Variants in CTR9 observed in about 807,000 individuals in gnomAD.
The protein encoded by CTR9 is CTR9 component of Paf1/RNA polymerase II complex, also known as RNA polymerase-associated protein CTR9 homolog.
A neutral mutation model predicts 152.1 loss-of-function variants in CTR9; 41 were observed. The ratio of observed to expected loss-of-function variants is 0.27; its 90% CI spans 0.21 to 0.35. The LOEUF (loss-of-function observed/expected upper bound fraction) is 0.35, where lower values mean the gene tolerates loss of function less well. Among genes scored for constraint, CTR9 ranks in the 10% least tolerant of loss-of-function variants. CTR9 has a pLI of 1.00. For missense variants in CTR9, 917 were observed against 1,424.4 expected, an observed-to-expected ratio of 0.64 and a Z score of 5.73; for synonymous variants, 476 against 496.2, an observed-to-expected ratio of 0.96 and a Z score of 0.54.
intron 24 of CTR9, among the ~76,000 whole-genome samples, chr11:10,776,650 G>A (rs1260148436): frequency 6.6e-6 from 1 of 152,176 alleles, no homozygotes; most frequent in Non-Finnish European, 1.5e-5. Context: ...TTCTGCTTCA[G>A]AGGCAGTGGA....
chr11:10,772,458 A>C, intron 19 of CTR9, 62 bp from the exon 20 acceptor site: 1 of 1,290,346 alleles, frequency 7.7e-7, no homozygotes, highest in East Asian at 2.8e-5. Context: ...AGGAAAATAG[A>C]TGTGCTGAGT....
chr11:10,771,496 C>A, intron 18 of CTR9, 49 bp from the exon 19 acceptor site: 2 of 1,328,940 alleles, frequency 1.5e-6, no homozygotes, highest in Non-Finnish European at 2.2e-6. Context: ...AGCTTTATTT[C>A]ATTAGAATCT....
At chr11:10,766,300 G>T in intron 12 of CTR9, 102 bp from the exon 13 acceptor site, 1 of 796,054 alleles carries the variant, frequency 1.3e-6, no homozygotes, top group African/African-American at 1.8e-5. Context: ...TTCCTTTTAT[G>T]GCGGTATTAA....
At chr11:10,757,751 C>G (rs1468908426) in intron 5 of CTR9, among the ~76,000 whole-genome samples, 1 of 152,134 alleles carries the variant, frequency 6.6e-6, no homozygotes, top group African/African-American at 2.4e-5. Flanking sequence ...AAGTTCCTGC[C>G]CTCATGGAGT....
rs373039121 is a variant in CTR9 at position 10,778,748 on chromosome 11, A to G, written c.3165A>G (p.Ser1055=). ...AACAACGAAAGAAATGTGCCTCATC[A>G]GAGAGTGATTCCGATGAGAACCAGA... ...EDEQRKKCAS[S]ESDSDENQNK... The change falls in exon 25 of 25, where the codon TCA becomes TCG. Residue 1055 remains serine, a synonymous_variant. Transcript: ENST00000361367. 6.2e-7 allele frequency: 1 copy of G among 1,614,202 alleles called. No individual in the cohort carries two copies.
intron 5 of CTR9, among the ~76,000 whole-genome samples, 174 bp from the exon 6 acceptor site, chr11:10,759,999 A>T (rs928879591): frequency 6.6e-6 from 1 of 152,224 alleles, no homozygotes; most frequent in African/African-American, 2.4e-5. Flanking sequence ...ATATGGTATG[A>T]TGTAGCCTCC....
At chr11:10,752,549 C>A in intron 1 of CTR9, 123 bp from the exon 2 acceptor site, 1 of 674,520 alleles carries the variant, frequency 1.5e-6, no homozygotes. Flanking sequence ...ATTAGCTCAA[C>A]CGTATTGAAA....
At chr11:10,755,595 C>A in intron 3 of CTR9, 83 bp from the exon 4 acceptor site, 1 of 809,232 alleles carries the variant, frequency 1.2e-6, no homozygotes, top group Non-Finnish European at 2.1e-6. Flanking sequence ...TGTGCTCCAC[C>A]TCCTTCCTAT....
chr11:10,775,653 T>A lies in CTR9; in HGVS notation c.3095+20T>A, dbSNP rs968951942. ...TGAAGGGTAGGATATTTTCTCTTTG[T>A]AAATTCTTCTCATGATGTAGATAAA... On this transcript the variant is annotated intron_variant, in intron 24 of 24. Coordinates refer to ENST00000361367, the MANE Select transcript of CTR9 (RefSeq NM_014633.5). 3.3e-6 allele frequency: 5 copies of A among 1,496,206 alleles called. No homozygotes were observed. The African/African-American group carries it at 7.0e-5, about 21-fold the overall frequency. The allele number at this position is 1,496,206 out of a possible 1,614,324, so 92.7% of individuals were successfully genotyped here. A position where few individuals can be genotyped will look rare whatever the true frequency, so the allele number is the denominator to read the frequency against.
In CTR9 at chr11:10,765,653, G is replaced by A. The variant is rs553566469; in HGVS notation, c.1598-749G>A. ...ATTTTTGTGTTTTTAGTAGAGGTGGGGTTTTGCTACGTTGGTCAGACTGGT... is the reference window on the plus strand; with the variant it reads ...ATTTTTGTGTTTTTAGTAGAGGTGGAGTTTTGCTACGTTGGTCAGACTGGT... On this transcript the variant is annotated intron_variant, in intron 12 of 24. Coordinates refer to ENST00000361367, the MANE Select transcript of CTR9 (RefSeq NM_014633.5). Among the ~76,000 whole-genome samples the A allele has an allele frequency of 1.1e-3, 170 of 152,196 alleles. 1 individual carries two copies. Among genetic ancestry groups the A allele is most frequent in the Non-Finnish European group, 2.1e-3 (142 of 68,002 alleles).
At chr11:10,760,674 GTA>G (rs1342860385) in intron 6 of CTR9, among the ~76,000 whole-genome samples, 1 of 151,766 alleles carries the variant, frequency 6.6e-6, no homozygotes, top group Non-Finnish European at 1.5e-5. Flanking sequence ...TCGTAGACTT[GTA>G]TATCAGTTTG....
intron 6 of CTR9, among the ~76,000 whole-genome samples, chr11:10,761,587 G>C (rs2135364956): frequency 6.6e-6 from 1 of 152,120 alleles, no homozygotes; most frequent in Admixed American, 6.5e-5. Context: ...TCCATCCTGG[G>C]CAACACAGTG....
chr11:10,768,631 T>C (rs1863096172), intron 16 of CTR9, 140 bp downstream of exon 16: 2 of 885,856 alleles, frequency 2.3e-6, no homozygotes, highest in Non-Finnish European at 3.2e-6. Flanking sequence ...AATTATATAA[T>C]GCTAAGGCCA....
chr11:10,763,044 T>C (rs1228854406), intron 7 of CTR9, among the ~76,000 whole-genome samples: 2 of 151,406 alleles, frequency 1.3e-5, no homozygotes, highest in African/African-American at 4.9e-5. Flanking sequence ...TATTTACTTA[T>C]GTAATCTTCA....
chr11:10,778,804 G>C lies in CTR9; in HGVS notation c.3221G>C (p.Arg1074Pro). 1 of 1,614,188 alleles carries C rather than the reference G, an allele frequency of 6.2e-7. No homozygotes were observed. The highest frequency in any genetic ancestry group is 8.5e-7 in the Non-Finnish European group (1 of 1,180,050). ...TCTGGCAGCGAGGCCGGCAGTCCCC[G>C]GAGGCCACGAAGACAGCGGTCAGAT... ...NKSGSEAGSP[R>P]RPRRQRSDQD... The change falls in exon 25 of 25, where the codon CGG becomes CCG. Residue 1074 changes from arginine to proline, a missense_variant. Physicochemically the swap from Arg to Pro is moderately radical, Grantham distance 103. Around this residue, in one of 9 missense-constraint regions of CTR9, gnomAD observed 384 missense variants for 398.4 expected, o/e 0.96. Coordinates refer to ENST00000361367, the MANE Select transcript of CTR9 (RefSeq NM_014633.5).
intron 4 of CTR9, 57 bp from the exon 5 acceptor site, chr11:10,756,692 A>T: frequency 1.6e-6 from 2 of 1,240,216 alleles, no homozygotes. Flanking sequence ...AGTGTAAAAC[A>T]TAATAGACTT....
intron 6 of CTR9, among the ~76,000 whole-genome samples, chr11:10,761,628 A>G (rs1862979298): frequency 6.6e-6 from 1 of 152,090 alleles, no homozygotes; most frequent in South Asian, 2.1e-4. Flanking sequence ...AAAAATTAAT[A>G]TAAATAAATA....
rs2135389252 is a variant in CTR9, at chr11:10,778,805, G to A, written c.3222G>A (p.Arg1074=). 6.2e-7 allele frequency: 1 copy of A among 1,614,212 alleles called. No individual in the cohort carries two copies. The highest frequency in any genetic ancestry group is 2.2e-5 in the East Asian group (1 of 44,882). Residue 1074 remains arginine (R), a synonymous_variant, in exon 25 of 25, where the codon CGG becomes CGA. Coordinates refer to ENST00000361367, the MANE Select transcript of CTR9 (RefSeq NM_014633.5). ...CTGGCAGCGAGGCCGGCAGTCCCCG[G>A]AGGCCACGAAGACAGCGGTCAGATC... ...NKSGSEAGSP[R]RPRRQRSDQD...
chr11:10,766,553 C>T, intron 13 of CTR9, 63 bp downstream of exon 13: 2 of 1,255,532 alleles, frequency 1.6e-6, no homozygotes, highest in Non-Finnish European at 2.2e-6. Flanking sequence ...CCCCATAAAT[C>T]AGTTTTTCCT....
Sources: gnomAD v4.1 joint callset for allele counts (sites outside exome capture counted in the v4.1 genomes callset) on GRCh38, gnomAD v4.1.1 for gene constraint, gnomAD v4.1.1 regional missense constraint, MANE v1.5 for transcripts, NCBI Gene and HGNC (gene_info 2026-07-23, HGNC 2026-07-21) for gene names.